Variants in ARHGEF3 observed in about 807,000 individuals in gnomAD.
The protein encoded by ARHGEF3 is 59.8 kDA protein.
ARHGEF3 carries 28 observed loss-of-function variants against 63.2 expected under a neutral mutation model. The ratio of observed to expected loss-of-function variants is 0.44; its 90% CI spans 0.33 to 0.61. ARHGEF3 has a LOEUF of 0.61. Ranked by LOEUF, ARHGEF3 falls within the 20% of genes least tolerant of loss-of-function variation. The pLI is 0.03. For synonymous variants in ARHGEF3, 266 were observed against 254.2 expected, an observed-to-expected ratio of 1.05 and a Z score of -0.44; for missense variants, 533 against 659.3, an observed-to-expected ratio of 0.81 and a Z score of 2.10.
In ARHGEF3 at chr3:56,732,381, C is replaced by G; in HGVS notation, c.1085G>C (p.Arg362Pro). Reference sequence around the variant, plus strand: ...AAGCTGCTCATTGTGGGTGACGGCTCGAGTGATCACAAGCACTTCTTGGAA... The same window carrying G: ...AAGCTGCTCATTGTGGGTGACGGCTGGAGTGATCACAAGCACTTCTTGGAA... ...FLFQEVLVIT[R>P]AVTHNEQLCY... The change falls in exon 9 of 10, where the codon CGA becomes CCA. Residue 362 changes from arginine to proline, a missense_variant. This residue lies in a region of ARHGEF3 where 151 missense variants were observed against 190.7 expected (regional missense o/e 0.79). Coordinates refer to ENST00000296315, the MANE Select transcript of ARHGEF3 (RefSeq NM_019555.3). 2.5e-6 allele frequency: 4 copies of G among 1,614,026 alleles called. No individual in the cohort carries two copies. Among genetic ancestry groups the G allele is most frequent in the Non-Finnish European group, 3.4e-6 (4 of 1,180,022 alleles).
chr3:57,014,077 A>C (rs1702842475), intron 2 of ARHGEF3, among the ~76,000 whole-genome samples: 1 of 152,136 alleles, frequency 6.6e-6, no homozygotes, highest in African/African-American at 2.4e-5. Flanking sequence ...AGCCAGCGAG[A>C]CCACGAACCC....
chr3:57,019,719 A>G (rs958399003), intron 2 of ARHGEF3, among the ~76,000 whole-genome samples: 2 of 152,214 alleles, frequency 1.3e-5, no homozygotes, highest in African/African-American at 4.8e-5. Flanking sequence ...ACCTTTTTAA[A>G]GGCATCTACC....
At chr3:56,916,109 G>A (rs1288095882) in intron 3 of ARHGEF3, among the ~76,000 whole-genome samples, 1 of 152,142 alleles carries the variant, frequency 6.6e-6, no homozygotes, top group Admixed American at 6.5e-5. Context: ...GCCACACAGT[G>A]CTCTTCTGAT....
intron 4 of ARHGEF3, among the ~76,000 whole-genome samples, chr3:56,863,339 G>A (rs1346122318): frequency 3.3e-5 from 5 of 149,348 alleles, no homozygotes; most frequent in Middle Eastern, 3.4e-3. Context: ...TCACTGTGTC[G>A]CCCAGGCTGG....
chr3:57,067,242 G>A (rs1381711880), intron 1 of ARHGEF3, among the ~76,000 whole-genome samples: 1 of 151,844 alleles, frequency 6.6e-6, no homozygotes, highest in Non-Finnish European at 1.5e-5. Flanking sequence ...ACAAGGTCAG[G>A]AGATCGAGAC....
At chr3:56,918,948 CT>C (rs1170580892) in intron 3 of ARHGEF3, among the ~76,000 whole-genome samples, 2 of 152,216 alleles carry the variant, frequency 1.3e-5, no homozygotes, top group East Asian at 3.9e-4. Flanking sequence ...AAAGGCCCTA[CT>C]TTTTTTTCTA....
chr3:57,012,909 T>G, intron 2 of ARHGEF3, among the ~76,000 whole-genome samples: 1 of 152,204 alleles, frequency 6.6e-6, no homozygotes, highest in Non-Finnish European at 1.5e-5. Context: ...GAACCGGGGC[T>G]GCGCACGGGC....
At chr3:57,031,798 A>T (rs1033395381) in intron 2 of ARHGEF3, among the ~76,000 whole-genome samples, 1 of 152,160 alleles carries the variant, frequency 6.6e-6, no homozygotes, top group African/African-American at 2.4e-5. Context: ...TAATAATTGC[A>T]CAAGAGGTAG....
intron 3 of ARHGEF3, among the ~76,000 whole-genome samples, chr3:56,942,992 G>A (rs973970242): frequency 1.3e-5 from 2 of 152,202 alleles, no homozygotes; most frequent in African/African-American, 4.8e-5. Flanking sequence ...AGTTCATGAG[G>A]TTTAAGGAAA....
At chr3:57,072,243 C>T (rs1480217156) in intron 1 of ARHGEF3, among the ~76,000 whole-genome samples, 2 of 152,114 alleles carry the variant, frequency 1.3e-5, no homozygotes, top group African/African-American at 2.4e-5. Context: ...TACCATATAC[C>T]TAGCAATTCC....
chr3:56,744,781 G>T (rs746843880), intron 7 of ARHGEF3, among the ~76,000 whole-genome samples: 1 of 152,074 alleles, frequency 6.6e-6, no homozygotes, highest in Non-Finnish European at 1.5e-5. Context: ...CACTGTAATC[G>T]GGGGCTAAAT....
At position 56,737,493 on chromosome 3, in the gene ARHGEF3, G is replaced by GAAA; in HGVS notation, c.871-139_871-138insTTT. 1.4e-5 allele frequency: 6 copies of GAAA among 436,370 alleles called. No homozygotes were observed. In the South Asian group the frequency reaches 2.7e-4, roughly 20 times the overall value. 27.0% of individuals were successfully genotyped at this position (436,370 alleles called of 1,614,324 possible). On this transcript the variant is annotated intron_variant, in intron 7 of 9. Transcript: ENST00000296315. ...TATCTAAGTTGCTACTTTGGGAAAAGAGAAAAAAAAAAAACATAAATACTT... is the reference window on the plus strand; with the variant it reads ...TATCTAAGTTGCTACTTTGGGAAAAGAAAAGAAAAAAAAAAAACATAAATACTT...
intron 4 of ARHGEF3, among the ~76,000 whole-genome samples, chr3:56,809,276 A>C (rs185820677): frequency 6.6e-6 from 1 of 152,226 alleles, no homozygotes; most frequent in African/African-American, 2.4e-5. Context: ...GTACACAAAT[A>C]TACTTTAAAA....
At position 56,748,974 on chromosome 3, in the gene ARHGEF3, T is replaced by A. The variant is rs572390221; in HGVS notation, c.612+2082A>T. Reference sequence around the variant, plus strand: ...ATAAATCAATTTTTCATGGGTCGAATGGGACTCTTCTCATCCAAAGTCCAC... The same window carrying A: ...ATAAATCAATTTTTCATGGGTCGAAAGGGACTCTTCTCATCCAAAGTCCAC... On this transcript the variant is annotated intron_variant, in intron 6 of 9. Transcript: ENST00000296315. 1.5e-4 allele frequency among the ~76,000 whole-genome samples: 21 copies of A among 139,116 alleles called. No homozygotes were observed. The South Asian group carries it at 4.8e-3, about 32-fold the overall frequency. 91.3% of individuals were successfully genotyped at this position (139,116 alleles called of 152,430 possible).
chr3:56,729,483 C>A lies in ARHGEF3; in HGVS notation c.1368G>T (p.Gly456=). The change falls in exon 10 of 10, where the codon GGG becomes GGT. Residue 456 remains glycine (G), a synonymous_variant. Coordinates refer to ENST00000296315, the MANE Select transcript of ARHGEF3 (RefSeq NM_019555.3). ...CCTCGGAGTCAAGCACCCCAGCTTG[C>A]CCGGCAGCACACAAAACTGTTTCTT... is the stretch of plus-strand genomic sequence containing the variant. ...QAKETVLCAA[G]QAGVLDSEGS... is the part of the protein sequence containing the mutation. 1.9e-6 allele frequency: 3 copies of A among 1,614,184 alleles called. No individual in the cohort carries two copies. The highest frequency in any genetic ancestry group is 2.5e-6 in the Non-Finnish European group (3 of 1,180,026).
At chr3:56,745,566 T>G in intron 6 of ARHGEF3, 104 bp from the exon 7 acceptor site, 3 of 1,331,510 alleles carry the variant, frequency 2.3e-6, no homozygotes, top group Non-Finnish European at 3.1e-6. Context: ...AACTGGTCTC[T>G]GGGTCTGGCT....
At chr3:56,909,660 T>C (rs974656999) in intron 3 of ARHGEF3, among the ~76,000 whole-genome samples, 1 of 152,216 alleles carries the variant, frequency 6.6e-6, no homozygotes, top group Non-Finnish European at 1.5e-5. Context: ...TCATCACATA[T>C]TCATTTAGGA....
intron 2 of ARHGEF3, among the ~76,000 whole-genome samples, chr3:57,012,319 T>C (rs1702736746): frequency 6.6e-6 from 1 of 152,198 alleles, no homozygotes; most frequent in Admixed American, 6.5e-5. Flanking sequence ...AATGCAGTGG[T>C]GTGCTCTTGG....
chr3:56,992,357 T>C (rs1174517363), intron 2 of ARHGEF3, among the ~76,000 whole-genome samples: 1 of 119,478 alleles, frequency 8.4e-6, no homozygotes, highest in East Asian at 2.5e-4. Flanking sequence ...AAAGGTCCTA[T>C]GGTAGGGAGG....
Sources: allele counts gnomAD v4.1 joint callset (sites outside exome capture counted in the v4.1 genomes callset), GRCh38; gene constraint gnomAD v4.1.1; regional missense constraint gnomAD v4.1.1; transcripts MANE v1.5; gene names NCBI Gene and HGNC (gene_info 2026-07-23, HGNC 2026-07-21).